PCDHGB2: variants seen among roughly 807,000 people sequenced by gnomAD.
The protein encoded by PCDHGB2 is protocadherin gamma subfamily B, 2, also known as protocadherin gamma-B2.
Under a neutral mutation model 59.3 loss-of-function variants are expected in PCDHGB2, and 55 were observed. The ratio of observed to expected loss-of-function variants is 0.93; its 90% CI spans 0.75 to 1.16. PCDHGB2 has a LOEUF of 1.16. PCDHGB2 is among the 50% of genes most tolerant of loss of function. The pLI is 0.00. For missense variants in PCDHGB2, 1,228 were observed against 1,198.5 expected, an observed-to-expected ratio of 1.02 and a Z score of -0.36; for synonymous variants, 516 against 512.0, an observed-to-expected ratio of 1.01 and a Z score of -0.11.
chr5:141,457,417 CTTTT>C (rs894846890), intron 1 of PCDHGB2, among the ~76,000 whole-genome samples: 4 of 152,180 alleles, frequency 2.6e-5, no homozygotes, highest in Admixed American at 2.6e-4. Context: ...TTACCCATCC[CTTTT>C]TCCCCCCCAC....
At chr5:141,374,168 G>A in intron 1 of PCDHGB2, 1 of 1,613,320 alleles carries the variant, frequency 6.2e-7, no homozygotes, top group Non-Finnish European at 8.5e-7. Flanking sequence ...GGCCGCGGCA[G>A]CGCAGATCCG....
chr5:141,444,565 C>G (rs2098441175), intron 1 of PCDHGB2, among the ~76,000 whole-genome samples: 1 of 152,124 alleles, frequency 6.6e-6, no homozygotes, highest in Non-Finnish European at 1.5e-5. Flanking sequence ...TTATTTGACA[C>G]TTTTGACTCT....
chr5:141,377,906 C>T (rs777974750), intron 1 of PCDHGB2: 1 of 152,280 alleles, frequency 6.6e-6, no homozygotes, highest in Non-Finnish European at 1.5e-5. Context: ...GTTGCCCAGT[C>T]TGGAGTAAAA....
intron 1 of PCDHGB2, chr5:141,379,313 A>C (rs1053297201): frequency 4.6e-5 from 7 of 152,264 alleles, no homozygotes; most frequent in African/African-American, 1.7e-4. Flanking sequence ...CCTAAACAAG[A>C]GATCTAATCA....
chr5:141,425,207 G>A lies in PCDHGB2; in HGVS notation c.2421+62651G>A, dbSNP rs546494803. 1.8e-3 allele frequency among the ~76,000 whole-genome samples: 281 copies of A among 152,238 alleles called. 1 individual carries two copies. The highest frequency in any genetic ancestry group is 6.6e-3 in the African/African-American group (274 of 41,534). ...TCCAAACTGAGAAAAATGATGTAAG[G>A]CATTGTACTTTGACTGGAATTAGTT... On this transcript the variant is annotated intron_variant, in intron 1 of 3. Coordinates refer to ENST00000522605, the MANE Select transcript of PCDHGB2 (RefSeq NM_018923.3).
At chr5:141,401,669 T>A (rs2094181201) in intron 1 of PCDHGB2, among the ~76,000 whole-genome samples, 1 of 152,234 alleles carries the variant, frequency 6.6e-6, no homozygotes, top group Admixed American at 6.5e-5. Context: ...TTTCTCAACA[T>A]CCTTGTAGGA....
At chr5:141,442,472 C>A (rs1032989256) in intron 1 of PCDHGB2, 4 of 152,204 alleles carry the variant, frequency 2.6e-5, no homozygotes, top group African/African-American at 9.7e-5. Flanking sequence ...GCAGAAAGCC[C>A]CTTGGGGAAG....
At chr5:141,426,022 T>A (rs1174153557) in intron 1 of PCDHGB2, among the ~76,000 whole-genome samples, 3 of 152,204 alleles carry the variant, frequency 2.0e-5, no homozygotes, top group Admixed American at 2.0e-4. Flanking sequence ...GTTTTCTAAA[T>A]AGACTCAGAG....
intron 1 of PCDHGB2, among the ~76,000 whole-genome samples, chr5:141,484,675 T>C (rs1179759392): frequency 6.6e-6 from 1 of 152,042 alleles, no homozygotes; most frequent in African/African-American, 2.4e-5. Context: ...GGGCCGCAGG[T>C]TGCTAGGGCT....
intron 1 of PCDHGB2, among the ~76,000 whole-genome samples, chr5:141,447,321 G>C (rs148203274): frequency 3.9e-5 from 6 of 152,068 alleles, no homozygotes; most frequent in Admixed American, 6.5e-5. Flanking sequence ...TGTATTTTTA[G>C]TAGAGACGGG....
chr5:141,364,866 C>T (rs749361969), intron 1 of PCDHGB2: 1 of 1,614,016 alleles, frequency 6.2e-7, no homozygotes, highest in Non-Finnish European at 8.5e-7. Context: ...CTGCACTTCT[C>T]TCTGGATGTG....
intron 1 of PCDHGB2, chr5:141,419,008 G>T: frequency 6.2e-7 from 1 of 1,613,978 alleles, no homozygotes; most frequent in Non-Finnish European, 8.5e-7. Flanking sequence ...GGGAAGTCAG[G>T]TGTAGCTTAA....
At chr5:141,506,188 C>A (rs925159785) in intron 3 of PCDHGB2, among the ~76,000 whole-genome samples, 1 of 152,058 alleles carries the variant, frequency 6.6e-6, no homozygotes, top group Non-Finnish European at 1.5e-5. Flanking sequence ...TGGTGGCTCA[C>A]GCCTGTAATC....
rs946434728 is a variant in PCDHGB2, at chr5:141,428,357, C to A, written c.2421+65801C>A. On this transcript the variant is annotated intron_variant, in intron 1 of 3. Coordinates refer to ENST00000522605, the MANE Select transcript of PCDHGB2 (RefSeq NM_018923.3). ...CTCTTCTTCCTCGCAGTGATTTTGG[C>A]GGTCGCCTTGCACCTGCGATGCTCT... is the stretch of plus-strand genomic sequence containing the variant. The A allele has an allele frequency of 1.2e-5, 7 of 565,506 alleles. No individual in the cohort carries two copies. The East Asian group carries it at 2.0e-4, about 16-fold the overall frequency. The allele number at this position is 565,506 out of a possible 1,614,324, so 35.0% of individuals were successfully genotyped here.
Position 141,403,685 on chromosome 5 carries a change from C to G in PCDHGB2, c.2421+41129C>G, listed in dbSNP as rs778849334. On this transcript the variant is annotated intron_variant, in intron 1 of 3. Coordinates refer to ENST00000522605, the MANE Select transcript of PCDHGB2 (RefSeq NM_018923.3). ...TGATAATGCCCCGGTTTTTGCTCAA[C>G]GGATTTACCGAGTTAAAGTCCTTGA... 8 of 1,613,704 alleles carry G rather than the reference C, an allele frequency of 5.0e-6. No homozygotes were observed. In the Admixed American group the frequency reaches 1.0e-4, roughly 20 times the overall value.
intron 1 of PCDHGB2, chr5:141,409,951 G>T: frequency 6.2e-7 from 1 of 1,613,374 alleles, no homozygotes; most frequent in Non-Finnish European, 8.5e-7. Context: ...GCTCTGCAGA[G>T]CCCGGCTACC....
chr5:141,393,634 A>G (rs1589198700), intron 1 of PCDHGB2: 3 of 1,613,848 alleles, frequency 1.9e-6, no homozygotes, highest in African/African-American at 2.7e-5. Flanking sequence ...GAGGGAATCA[A>G]CGGAAAAGTG....
intron 1 of PCDHGB2, chr5:141,398,001 A>T: frequency 5.0e-6 from 7 of 1,388,802 alleles, no homozygotes; most frequent in African/African-American, 4.4e-5. Flanking sequence ...CCTCCTCGGA[A>T]AAAGAATCGT....
Position 141,432,211 on chromosome 5 carries a change from C to T in PCDHGB2, c.2422-62596C>T. 6.2e-7 allele frequency: 1 copy of T among 1,614,232 alleles called. No homozygotes were observed. The highest frequency in any genetic ancestry group is 8.5e-7 in the Non-Finnish European group (1 of 1,180,044). On this transcript the variant is annotated intron_variant, in intron 1 of 3. Coordinates refer to ENST00000522605, the MANE Select transcript of PCDHGB2 (RefSeq NM_018923.3). The surrounding 1 kb of genome is among the most constrained non-coding windows in gnomAD (Gnocchi z 6.0). ...CCCACGACCCCGACTGTGAAGAGAA[C>T]GCCCAGATCACTTATTCCCTGGCTG... is the stretch of plus-strand genomic sequence containing the variant.
Sources: gnomAD v4.1 joint callset for allele counts (sites outside exome capture counted in the v4.1 genomes callset) on GRCh38, gnomAD v4.1.1 for gene constraint, Gnocchi (gnomAD v3.1) non-coding constraint, MANE v1.5 for transcripts, NCBI Gene and HGNC (gene_info 2026-07-23, HGNC 2026-07-21) for gene names.